PCBP3: variants seen among roughly 807,000 people sequenced by gnomAD.
The protein encoded by PCBP3 is poly(rC) binding protein 3.
In PCBP3, 25 loss-of-function variants were observed where a neutral mutation model predicts 52.7. The observed-to-expected ratio is 0.47, with a 90% confidence interval of 0.35 to 0.66. The LOEUF (loss-of-function observed/expected upper bound fraction) is 0.66, where lower values mean the gene tolerates loss of function less well. PCBP3 is among the 30% of genes least tolerant of loss of function. The probability of loss-of-function intolerance (pLI) is 0.01; values close to 1 mark genes in which losing one functional copy is unlikely to be tolerated. For synonymous variants in PCBP3, 162 were observed against 183.0 expected, an observed-to-expected ratio of 0.89 and a Z score of 0.93; for missense variants, 391 against 490.3, an observed-to-expected ratio of 0.80 and a Z score of 1.91.
intron 2 of PCBP3, among the ~76,000 whole-genome samples, chr21:45,689,411 G>A (rs1032893082): frequency 2.6e-5 from 4 of 151,826 alleles, no homozygotes; most frequent in East Asian, 1.9e-4. Context: ...AAAAATTTTA[G>A]GAAACAAAAA....
chr21:45,912,846 G>T (rs1275296177), intron 11 of PCBP3, among the ~76,000 whole-genome samples: 1 of 151,776 alleles, frequency 6.6e-6, no homozygotes, highest in Non-Finnish European at 1.5e-5. Flanking sequence ...AGTCAGCCCA[G>T]ACCCGCCCCA....
At chr21:45,926,554 G>A (rs2149449649) in intron 13 of PCBP3, among the ~76,000 whole-genome samples, 3 of 152,290 alleles carry the variant, frequency 2.0e-5, no homozygotes, top group Admixed American at 2.0e-4. Flanking sequence ...GATCAGACAT[G>A]AGAGCCCAGG....
intron 4 of PCBP3, among the ~76,000 whole-genome samples, chr21:45,770,951 A>G (rs1346048779): frequency 1.3e-5 from 2 of 152,252 alleles, no homozygotes; most frequent in Non-Finnish European, 2.9e-5. Context: ...AGGGCCCTGC[A>G]TCTGTGCTTT....
chr21:45,688,709 C>T (rs189904393), intron 2 of PCBP3, among the ~76,000 whole-genome samples: 286 of 151,812 alleles, frequency 1.9e-3, no homozygotes, highest in African/African-American at 6.5e-3. Context: ...AATTAATAAA[C>T]CTTTGGCTCA....
intron 2 of PCBP3, among the ~76,000 whole-genome samples, chr21:45,731,555 C>G (rs926555589): frequency 6.6e-6 from 1 of 152,202 alleles, no homozygotes; most frequent in Non-Finnish European, 1.5e-5. Flanking sequence ...TTCACCAGCA[C>G]TGGGCTTCTT....
At chr21:45,680,662 CT>C (rs1209631890) in intron 2 of PCBP3, among the ~76,000 whole-genome samples, 2 of 152,038 alleles carry the variant, frequency 1.3e-5, no homozygotes, top group Non-Finnish European at 2.9e-5. Flanking sequence ...TTTAGTTTAT[CT>C]TTTCTGATCT....
At chr21:45,814,642 G>GTGAGTGGTGAGTGGTGAGTGA (rs2092794836) in intron 4 of PCBP3, among the ~76,000 whole-genome samples, 1 of 121,898 alleles carries the variant, frequency 8.2e-6, no homozygotes, top group Admixed American at 7.8e-5. Context: ...TGAGTGGTGA[G>GTGAGTGGTGAGTGGTGAGTGA]TGAGTGGTGA....
At chr21:45,655,779 C>G (rs2079977239) in intron 1 of PCBP3, among the ~76,000 whole-genome samples, 1 of 152,102 alleles carries the variant, frequency 6.6e-6, no homozygotes, top group African/African-American at 2.4e-5. Flanking sequence ...GGTCTAATAT[C>G]CAGAGCCTAC....
At chr21:45,895,095 T>C (rs755132692) in intron 5 of PCBP3, among the ~76,000 whole-genome samples, 5 of 152,234 alleles carry the variant, frequency 3.3e-5, no homozygotes, top group African/African-American at 4.8e-5. Flanking sequence ...TGGCTGTGGC[T>C]CCCGTCCACC....
chr21:45,750,710 G>A (rs547366596), intron 3 of PCBP3: 8 of 152,266 alleles, frequency 5.3e-5, no homozygotes, highest in Admixed American at 1.3e-4. Context: ...GATGTTTGAA[G>A]GGCTCTAGTT....
At chr21:45,757,249 G>A (rs1201421588) in intron 4 of PCBP3, among the ~76,000 whole-genome samples, 1 of 152,094 alleles carries the variant, frequency 6.6e-6, no homozygotes, top group Admixed American at 6.6e-5. Context: ...ATCGTGCTGT[G>A]GTATTGATTA....
At chr21:45,848,487 G>T (rs1234465508) in intron 4 of PCBP3, 2 of 152,302 alleles carry the variant, frequency 1.3e-5, no homozygotes, top group East Asian at 3.8e-4. Context: ...ATTTGATTTA[G>T]TTCTAGGGAG....
At chr21:45,849,800 G>A (rs1490718298) in intron 4 of PCBP3, among the ~76,000 whole-genome samples, 161 bp from the exon 5 acceptor site, 1 of 152,170 alleles carries the variant, frequency 6.6e-6, no homozygotes, top group Non-Finnish European at 1.5e-5. Context: ...GGGAGCGCTT[G>A]CTGGCACTCT....
chr21:45,884,501 A>G (rs1281854242), intron 5 of PCBP3, among the ~76,000 whole-genome samples: 1 of 152,218 alleles, frequency 6.6e-6, no homozygotes, highest in African/African-American at 2.4e-5. Context: ...ACATACACAT[A>G]TATAACATAC....
intron 2 of PCBP3, among the ~76,000 whole-genome samples, chr21:45,682,948 T>G (rs2081939938): frequency 6.6e-6 from 1 of 152,002 alleles, no homozygotes; most frequent in Non-Finnish European, 1.5e-5. Context: ...ACTAAGGAAG[T>G]AAGCTAGAGA....
At chr21:45,896,988 G>A (rs34056360) in intron 6 of PCBP3, among the ~76,000 whole-genome samples, 1,691 of 50,984 alleles carry the variant, frequency 0.033, 15 homozygotes, top group Middle Eastern at 0.16. Context: ...TAGGAAAGGC[G>A]GACATGGCAC....
At chr21:45,884,215 C>T (rs1035677830) in intron 5 of PCBP3, among the ~76,000 whole-genome samples, 1 of 152,130 alleles carries the variant, frequency 6.6e-6, no homozygotes, top group Admixed American at 6.5e-5. Context: ...GGATTACAGG[C>T]GTGAGCCATC....
chr21:45,908,047 G>A (rs369550599), intron 9 of PCBP3, among the ~76,000 whole-genome samples: 1 of 152,132 alleles, frequency 6.6e-6, no homozygotes, highest in Non-Finnish European at 1.5e-5. Flanking sequence ...GCTGCCCATT[G>A]GGCCTGAAAA....
intron 4 of PCBP3, among the ~76,000 whole-genome samples, chr21:45,775,478 C>T (rs1208675105): frequency 1.3e-5 from 2 of 152,110 alleles, no homozygotes; most frequent in South Asian, 2.1e-4. Context: ...AGTGCAGTGG[C>T]ATGATCACAG....
Sources: gnomAD v4.1 joint callset for allele counts (sites outside exome capture counted in the v4.1 genomes callset) on GRCh38, gnomAD v4.1.1 for gene constraint, MANE v1.5 for transcripts, NCBI Gene and HGNC (gene_info 2026-07-23, HGNC 2026-07-21) for gene names.